ANK1: variants seen among roughly 807,000 people sequenced by gnomAD.
ANK1 encodes ankyrin 1.
Under a neutral mutation model 210.4 loss-of-function variants are expected in ANK1, and 51 were observed. The ratio of observed to expected loss-of-function variants is 0.24; its 90% CI spans 0.19 to 0.31. The LOEUF is 0.31. Ranked by LOEUF, ANK1 falls within the 10% of genes least tolerant of loss-of-function variation. The pLI, the probability that ANK1 is intolerant of heterozygous loss-of-function variation, is 1.00. For synonymous variants in ANK1, 967 were observed against 1,025.9 expected, an observed-to-expected ratio of 0.94 and a Z score of 1.10; for missense variants, 2,051 against 2,504.4, an observed-to-expected ratio of 0.82 and a Z score of 3.86.
intron 20 of ANK1, among the ~76,000 whole-genome samples, chr8:41,703,166 C>T (rs532922977): frequency 2.6e-5 from 4 of 151,844 alleles, no homozygotes; most frequent in South Asian, 2.1e-4. Context: ...GAAGCAGACA[C>T]GGAGATAATT....
At chr8:41,858,658 C>A (rs550474296) in intron 1 of ANK1, among the ~76,000 whole-genome samples, 1 of 152,228 alleles carries the variant, frequency 6.6e-6, no homozygotes, top group African/African-American at 2.4e-5. Context: ...GCCCGGATTC[C>A]GCTCCTTCTA....
At chr8:41,785,892 G>A (rs1846255201) in intron 1 of ANK1, among the ~76,000 whole-genome samples, 1 of 152,136 alleles carries the variant, frequency 6.6e-6, no homozygotes, top group South Asian at 2.1e-4. Flanking sequence ...CCGAGGGTCC[G>A]AGCTGACCTC....
chr8:41,836,327 G>A (rs780675459), intron 1 of ANK1, among the ~76,000 whole-genome samples: 47 of 152,384 alleles, frequency 3.1e-4, no homozygotes, highest in Admixed American at 7.8e-4. Context: ...GAAGTCATTC[G>A]TCACATACAT....
At chr8:41,714,134 T>G (rs774035316) in intron 16 of ANK1, 22 bp downstream of exon 16, 6 of 1,326,242 alleles carry the variant, frequency 4.5e-6, no homozygotes, top group Non-Finnish European at 5.8e-6. Flanking sequence ...CAGGGGCAGC[T>G]GGGGAGAGGG....
intron 31 of ANK1, among the ~76,000 whole-genome samples, chr8:41,691,435 A>G (rs1433351172): frequency 6.6e-6 from 1 of 152,248 alleles, no homozygotes; most frequent in Non-Finnish European, 1.5e-5. Context: ...AGACAGGATT[A>G]GAACCAAGGT....
At chr8:41,844,949 T>C (rs1418511489) in intron 1 of ANK1, among the ~76,000 whole-genome samples, 1 of 152,116 alleles carries the variant, frequency 6.6e-6, no homozygotes, top group Admixed American at 6.5e-5. Flanking sequence ...GCACACCCAC[T>C]GGTCAGAGAT....
intron 1 of ANK1, among the ~76,000 whole-genome samples, chr8:41,878,333 A>G (rs1816965600): frequency 6.6e-6 from 1 of 152,172 alleles, no homozygotes; most frequent in South Asian, 2.1e-4. Context: ...CACCTCTGAT[A>G]TATGGATCAT....
chr8:41,855,571 T>C (rs1354165126), intron 1 of ANK1, among the ~76,000 whole-genome samples: 1 of 152,182 alleles, frequency 6.6e-6, no homozygotes, highest in African/African-American at 2.4e-5. Flanking sequence ...GTGTCTGTTT[T>C]TCAACCACAT....
intron 1 of ANK1, among the ~76,000 whole-genome samples, chr8:41,832,109 G>C (rs1806783512): frequency 6.6e-6 from 1 of 152,210 alleles, no homozygotes; most frequent in South Asian, 2.1e-4. Context: ...ATACATGACT[G>C]TGCATTTGTC....
At chr8:41,822,060 AAGAAAGAGAGAGAGAG>A (rs1804363893) in intron 1 of ANK1, among the ~76,000 whole-genome samples, 3 of 129,096 alleles carry the variant, frequency 2.3e-5, no homozygotes, top group Admixed American at 1.7e-4. Context: ...AAAAGAAAGA[AAGAAAGAGAGAGAGAG>A]AGAGAGAGAG....
intron 9 of ANK1, 23 bp downstream of exon 9, chr8:41,723,102 C>T (rs1563564598): frequency 6.2e-7 from 1 of 1,612,102 alleles, no homozygotes; most frequent in South Asian, 1.1e-5. Context: ...AGAAAATGCG[C>T]CTGACAGGAA....
chr8:41,673,433 G>C (rs1813135820), intron 37 of ANK1, among the ~76,000 whole-genome samples: 2 of 152,176 alleles, frequency 1.3e-5, no homozygotes, highest in Non-Finnish European at 2.9e-5. Context: ...CTGCCCTTGA[G>C]GGGCCTATCA....
chr8:41,860,253 G>A (rs1029460193), intron 1 of ANK1, among the ~76,000 whole-genome samples: 9 of 152,160 alleles, frequency 5.9e-5, no homozygotes, highest in African/African-American at 1.7e-4. Context: ...TATCCCCCAC[G>A]CTGGACAGTC....
chr8:41,780,286 A>G (rs1273676982), intron 1 of ANK1, among the ~76,000 whole-genome samples: 1 of 152,140 alleles, frequency 6.6e-6, no homozygotes. Flanking sequence ...CAGCCACCCA[A>G]CGAGCTAGGA....
chr8:41,687,456 C>G (rs150720656), intron 35 of ANK1, among the ~76,000 whole-genome samples: 16 of 152,320 alleles, frequency 1.1e-4, no homozygotes, highest in Non-Finnish European at 2.2e-4. Flanking sequence ...GGGATCAGCA[C>G]GAGAACGTAG....
intron 1 of ANK1, among the ~76,000 whole-genome samples, chr8:41,822,128 GAAAGAGAA>G (rs1804497078): frequency 7.2e-5 from 2 of 27,778 alleles, no homozygotes. Flanking sequence ...GAAAGAGAAA[GAAAGAGAA>G]AGAAAGAAAG....
At chr8:41,773,724 C>T (rs765495) in intron 1 of ANK1, among the ~76,000 whole-genome samples, 3,021 of 152,160 alleles carry the variant, frequency 0.02, 107 homozygotes, top group African/African-American at 0.067. Flanking sequence ...CTGGAACCCC[C>T]GCTCCCTCCT....
intron 1 of ANK1, among the ~76,000 whole-genome samples, chr8:41,764,802 C>T (rs1352393046): frequency 6.6e-6 from 1 of 152,214 alleles, no homozygotes; most frequent in Non-Finnish European, 1.5e-5. Flanking sequence ...AACTTCCTTT[C>T]AAAACAAAAC....
At chr8:41,670,773 C>T (rs528962508) in intron 38 of ANK1, among the ~76,000 whole-genome samples, 1 of 152,306 alleles carries the variant, frequency 6.6e-6, no homozygotes, top group African/African-American at 2.4e-5. Context: ...ATGAGAACAG[C>T]TTTCCTTTAC....
Sources: gnomAD v4.1 joint callset for allele counts (sites outside exome capture counted in the v4.1 genomes callset) on GRCh38, gnomAD v4.1.1 for gene constraint, MANE v1.5 for transcripts, NCBI Gene and HGNC (gene_info 2026-07-23, HGNC 2026-07-21) for gene names.